Variants in BAZ2B observed in about 807,000 individuals in gnomAD.
BAZ2B encodes the protein bromodomain adjacent to zinc finger domain protein 2B.
A neutral mutation model predicts 246.0 loss-of-function variants in BAZ2B; 91 were observed. The ratio of observed to expected loss-of-function variants is 0.37; its 90% CI spans 0.31 to 0.44. The LOEUF (loss-of-function observed/expected upper bound fraction) is 0.44. BAZ2B is among the 20% of genes least tolerant of loss of function. The pLI, the probability that BAZ2B is intolerant of heterozygous loss-of-function variation, is 1.00. For missense variants in BAZ2B, 2,332 were observed against 2,533.7 expected (o/e 0.92, Z 1.71); for synonymous variants, 855 against 860.0 (o/e 0.99, Z 0.10).
chr2:159,378,498 C>A (rs2061648270), intron 25 of BAZ2B, among the ~76,000 whole-genome samples: 1 of 152,204 alleles, frequency 6.6e-6, no homozygotes, highest in South Asian at 2.1e-4. Context: ...GCAAAGGAAA[C>A]AACAGACTGA....
intron 27 of BAZ2B, among the ~76,000 whole-genome samples, chr2:159,364,065 G>C (rs2059979863): frequency 6.6e-6 from 1 of 152,128 alleles, no homozygotes; most frequent in African/African-American, 2.4e-5. Flanking sequence ...TTCCTAATCT[G>C]AGCCCTTTCA....
At chr2:159,329,200 T>C (rs1289050715) in intron 34 of BAZ2B, among the ~76,000 whole-genome samples, 1 of 148,854 alleles carries the variant, frequency 6.7e-6, no homozygotes, top group Non-Finnish European at 1.5e-5. Flanking sequence ...AAAACAACAA[T>C]TAAAAAATAA....
chr2:159,537,395 G>T (rs1054252306), intron 2 of BAZ2B, among the ~76,000 whole-genome samples: 1 of 152,252 alleles, frequency 6.6e-6, no homozygotes, highest in Non-Finnish European at 1.5e-5. Flanking sequence ...CTGACTTTCA[G>T]TCTTCTTCTG....
chr2:159,646,421 A>C, the BAZ2B span, among the ~76,000 whole-genome samples: 5 of 152,102 alleles, frequency 3.3e-5, no homozygotes, highest in Non-Finnish European at 7.4e-5. Context: ...AGTTAATGCA[A>C]TCATCACAGG....
intron 13 of BAZ2B, among the ~76,000 whole-genome samples, chr2:159,421,266 G>A (rs909607403): frequency 2.0e-5 from 3 of 151,128 alleles, no homozygotes; most frequent in Admixed American, 1.3e-4. Flanking sequence ...TCTCAAACTC[G>A]TGGGCTAAAG....
chr2:159,622,901 G>T, the BAZ2B span, among the ~76,000 whole-genome samples: 12 of 151,426 alleles, frequency 7.9e-5, no homozygotes, highest in African/African-American at 2.7e-4. Context: ...AAGCCTGGGA[G>T]GTCCAGGCTG....
At chr2:159,632,910 G>A in the BAZ2B span, among the ~76,000 whole-genome samples, 14 of 152,242 alleles carry the variant, frequency 9.2e-5, no homozygotes, top group Non-Finnish European at 1.8e-4. Flanking sequence ...AAACATGCAT[G>A]TCAGAATTGC....
intron 1 of BAZ2B, among the ~76,000 whole-genome samples, chr2:159,558,735 T>C (rs1165310815): frequency 2.6e-5 from 4 of 152,074 alleles, no homozygotes; most frequent in African/African-American, 4.8e-5. Context: ...AGAAGTGGAA[T>C]TGCAGGGTTT....
At chr2:159,560,716 C>T (rs1459732236) in intron 1 of BAZ2B, among the ~76,000 whole-genome samples, 6 of 151,878 alleles carry the variant, frequency 4.0e-5, no homozygotes, top group Non-Finnish European at 8.8e-5. Context: ...TTAGTAGAGA[C>T]GGGATTTCAC....
intron 2 of BAZ2B, among the ~76,000 whole-genome samples, chr2:159,489,952 TG>T (rs2151011596): frequency 6.6e-6 from 1 of 152,194 alleles, no homozygotes; most frequent in South Asian, 2.1e-4. Flanking sequence ...ATGAACAAAA[TG>T]GACAATTTTC....
chr2:159,551,342 A>C (rs905465244), intron 2 of BAZ2B, among the ~76,000 whole-genome samples: 1 of 151,696 alleles, frequency 6.6e-6, no homozygotes, highest in Non-Finnish European at 1.5e-5. Flanking sequence ...GGTGGCGGAA[A>C]CCTGTAGTCC....
At position 159,446,898 on chromosome 2, in the gene BAZ2B, A is replaced by G; in HGVS notation, c.580T>C (p.Ser194Pro). The G allele has an allele frequency of 6.2e-7, 1 of 1,613,754 alleles. No homozygotes were observed. The highest frequency in any genetic ancestry group is 8.5e-7 in the Non-Finnish European group (1 of 1,179,826). Reference sequence around the variant, plus strand: ...CTTTTAGTTTGTCCCATGGAACTTGAAGCAGTAGTGGATAGTACAGATGTG... The same window carrying G: ...CTTTTAGTTTGTCCCATGGAACTTGGAGCAGTAGTGGATAGTACAGATGTG... ...INTSVLSTTASSSMGQTKSTS... is the reference protein window; with the variant it reads ...INTSVLSTTAPSSMGQTKSTS... The change falls in exon 6 of 37, where the codon TCA (serine) becomes CCA (proline). Residue 194 changes from serine to proline, a missense_variant. Physicochemically the swap from Ser to Pro is moderately conservative, Grantham distance 74. This residue lies in a region of BAZ2B where 242 missense variants were observed against 237.4 expected (regional missense o/e 1.02). Coordinates refer to ENST00000392783, the MANE Select transcript of BAZ2B (RefSeq NM_013450.4).
In BAZ2B at chr2:159,373,163, G is replaced by A. The variant is rs184752202; in HGVS notation, c.4095C>T (p.Leu1365=). The change falls in exon 27 of 37, where the codon CTC becomes CTT. Residue 1365 remains leucine, a synonymous_variant. Transcript: ENST00000392783. ...SKQQSQYRRK[L]FDASHSLRSV... is the part of the protein sequence containing the mutation. ...AACGCAATGAGTGAGACGCATCAAA[G>A]AGCTTCCTTCTGTACTGACTCTGTT... The A allele has an allele frequency of 6.2e-7, 1 of 1,613,882 alleles. No individual in the cohort carries two copies. Among genetic ancestry groups the A allele is most frequent in the African/African-American group, 1.3e-5 (1 of 75,040 alleles).
the BAZ2B span, among the ~76,000 whole-genome samples, chr2:159,642,238 C>CTTTTTTTTTT: frequency 3.8e-5 from 5 of 131,726 alleles, no homozygotes; most frequent in African/African-American, 5.6e-5. Context: ...TTCTTTCTTT[C>CTTTTTTTTTT]TTTTTTTTTT....
At chr2:159,386,273 C>A in intron 22 of BAZ2B, 80 bp downstream of exon 22, 1 of 1,337,726 alleles carries the variant, frequency 7.5e-7, no homozygotes, top group Non-Finnish European at 1.0e-6. Flanking sequence ...TCTATATAAT[C>A]TTCTGCTAAT....
chr2:159,539,027 G>A (rs2086338256), intron 2 of BAZ2B, among the ~76,000 whole-genome samples: 1 of 152,176 alleles, frequency 6.6e-6, no homozygotes. Context: ...TGTTCAAATA[G>A]TGATACCTAT....
intron 2 of BAZ2B, among the ~76,000 whole-genome samples, chr2:159,496,182 T>C (rs1167626131): frequency 6.7e-6 from 1 of 148,988 alleles, no homozygotes; most frequent in Non-Finnish European, 1.5e-5. Flanking sequence ...GAGACCAGCC[T>C]GGCCAACATG....
At chr2:159,403,865 G>C (rs1195910393) in intron 16 of BAZ2B, among the ~76,000 whole-genome samples, 1 of 152,104 alleles carries the variant, frequency 6.6e-6, no homozygotes, top group Non-Finnish European at 1.5e-5. Context: ...AGACTTAAGG[G>C]TTAAGCCATT....
At chr2:159,679,702 T>A in the BAZ2B span, among the ~76,000 whole-genome samples, 47,670 of 152,178 alleles carry the variant, frequency 0.31, 9,420 homozygotes, top group Admixed American at 0.48. Flanking sequence ...AAGAAGACAA[T>A]TATTCATATT....
Sources: allele counts gnomAD v4.1 joint callset (sites outside exome capture counted in the v4.1 genomes callset), GRCh38; gene constraint gnomAD v4.1.1; regional missense constraint gnomAD v4.1.1; transcripts MANE v1.5; gene names NCBI Gene and HGNC (gene_info 2026-07-23, HGNC 2026-07-21).